The following NFATC1 variants were observed in gnomAD, a reference collection of about 807,000 sequenced individuals.
NFATC1 encodes the protein nuclear factor of activated T cells 1, also known as nuclear factor of activated T-cells, cytoplasmic 1.
NFATC1 carries 22 observed loss-of-function variants against 76.0 expected under a neutral mutation model. The ratio of observed to expected loss-of-function variants is 0.29; its 90% CI spans 0.21 to 0.41. NFATC1 has a LOEUF of 0.41. Among genes scored for constraint, NFATC1 ranks in the 10% least tolerant of loss-of-function variants. The probability of loss-of-function intolerance (pLI) is 1.00; values close to 1 mark genes in which losing one functional copy is unlikely to be tolerated. For missense variants in NFATC1, 1,357 were observed against 1,337.7 expected, an observed-to-expected ratio of 1.01 and a Z score of -0.23; for synonymous variants, 704 against 613.1, an observed-to-expected ratio of 1.15 and a Z score of -2.19.
At chr18:79,400,054 AC>A (rs2085135083) in intron 1 of NFATC1, among the ~76,000 whole-genome samples, 1 of 133,000 alleles carries the variant, frequency 7.5e-6, no homozygotes, top group African/African-American at 2.8e-5. Flanking sequence ...CGACGCCCCT[AC>A]CCCCGGGTCC....
chr18:79,495,626 C>T (rs1259550029), intron 9 of NFATC1, among the ~76,000 whole-genome samples: 1 of 152,188 alleles, frequency 6.6e-6, no homozygotes, highest in Admixed American at 6.5e-5. Flanking sequence ...TATTTTGTGC[C>T]GAAGAAAATT....
chr18:79,430,674 C>A (rs148243807), intron 2 of NFATC1, among the ~76,000 whole-genome samples: 3,481 of 152,236 alleles, frequency 0.023, 133 homozygotes, highest in African/African-American at 0.077. Context: ...TGAGCCACCA[C>A]GCCCGGCCAT....
chr18:79,437,632 C>A (rs1053193931), intron 3 of NFATC1, among the ~76,000 whole-genome samples: 1 of 152,238 alleles, frequency 6.6e-6, no homozygotes, highest in African/African-American at 2.4e-5. Context: ...CCCCAAATCC[C>A]AGCTCACACT....
intron 2 of NFATC1, among the ~76,000 whole-genome samples, chr18:79,423,172 T>A (rs2086159770): frequency 6.6e-6 from 1 of 152,076 alleles, no homozygotes; most frequent in African/African-American, 2.4e-5. Flanking sequence ...CTGGTCGTAC[T>A]CCAATCCCGT....
chr18:79,480,652 G>C (rs1036182926), intron 8 of NFATC1, among the ~76,000 whole-genome samples: 1 of 152,152 alleles, frequency 6.6e-6, no homozygotes, highest in African/African-American at 2.4e-5. Context: ...TGTTCTTGAC[G>C]TTCTCCAGCC....
At chr18:79,424,610 T>A in intron 2 of NFATC1, among the ~76,000 whole-genome samples, 1 of 151,284 alleles carries the variant, frequency 6.6e-6, no homozygotes, top group African/African-American at 2.4e-5. Context: ...TGTCTCTCCG[T>A]CTGTCTCTCT....
chr18:79,450,595 C>T (rs1029441386), intron 4 of NFATC1, among the ~76,000 whole-genome samples: 13 of 152,270 alleles, frequency 8.5e-5, no homozygotes, highest in South Asian at 2.1e-4. Context: ...ACGTGGCCAG[C>T]GTGGGCCCTG....
chr18:79,436,545 G>A (rs1340664354), intron 3 of NFATC1, among the ~76,000 whole-genome samples: 3 of 152,266 alleles, frequency 2.0e-5, no homozygotes, highest in Non-Finnish European at 4.4e-5. Context: ...CGGCGTCCGC[G>A]TCCTCCCACG....
intron 3 of NFATC1, among the ~76,000 whole-genome samples, chr18:79,443,512 G>A (rs752014140): frequency 3.3e-5 from 5 of 152,190 alleles, no homozygotes; most frequent in Admixed American, 6.5e-5. Context: ...CGTCCCTCGG[G>A]GGGTGGGGAG....
Position 79,409,028 on chromosome 18 carries a change from CCATCCATCAT to C in NFATC1, c.128-1366_128-1357del, listed in dbSNP as rs1340367367. Among the ~76,000 whole-genome samples the C allele has an allele frequency of 5.4e-5, 4 of 74,696 alleles. 1 individual carries two copies. The highest frequency in any genetic ancestry group is 1.3e-4 in the Non-Finnish European group (4 of 30,330). 49.0% of individuals were successfully genotyped at this position (74,696 alleles called of 152,430 possible). On this transcript the variant is annotated intron_variant, in intron 1 of 9. Coordinates refer to ENST00000427363, the MANE Select transcript of NFATC1 (RefSeq NM_001278669.2). Reference sequence around the variant, plus strand: ...CCCTATCCATCCGTCCATCCATCATCCATCCATCATCATCCATCCATTATTCCTCCATTCC... The same window carrying C: ...CCCTATCCATCCGTCCATCCATCATCCATCCATCCATTATTCCTCCATTCC...
At position 79,410,005 on chromosome 18, in the gene NFATC1, G is replaced by C. The variant is rs1050878174; in HGVS notation, c.128-398G>C. On this transcript the variant is annotated intron_variant, in intron 1 of 9. Transcript: ENST00000427363. The surrounding 1 kb of genome is among the most constrained non-coding windows in gnomAD (Gnocchi z 6.7). ...GAGGAAGGTGGTTTTTGAATGAAGAGCGGAACCCGTGAGGACCCAGTCGCC... is the reference window on the plus strand; with the variant it reads ...GAGGAAGGTGGTTTTTGAATGAAGACCGGAACCCGTGAGGACCCAGTCGCC... 6 of 558,940 alleles carry C rather than the reference G, an allele frequency of 1.1e-5. No individual in the cohort carries two copies. The highest frequency in any genetic ancestry group is 1.9e-5 in the African/African-American group (1 of 53,746). The allele number at this position is 558,940 out of a possible 1,614,324, so 34.6% of individuals were successfully genotyped here.
intron 2 of NFATC1, among the ~76,000 whole-genome samples, chr18:79,425,933 C>T (rs896713619): frequency 6.6e-6 from 1 of 152,222 alleles, no homozygotes; most frequent in African/African-American, 2.4e-5. Context: ...GAGTCCTGCA[C>T]CAGCGTGGCA....
At chr18:79,398,247 G>A (rs1030746955) in intron 1 of NFATC1, among the ~76,000 whole-genome samples, 1 of 152,228 alleles carries the variant, frequency 6.6e-6, no homozygotes, top group South Asian at 2.1e-4. Flanking sequence ...GTCAGAAGTC[G>A]CTCCAGACAC....
intron 8 of NFATC1, among the ~76,000 whole-genome samples, chr18:79,471,687 G>A (rs1205504262): frequency 6.6e-6 from 1 of 152,186 alleles, no homozygotes; most frequent in African/African-American, 2.4e-5. Context: ...GGGGACACGC[G>A]GTCCAGCTGA....
chr18:79,511,383 G>A (rs1034824595), intron 9 of NFATC1, among the ~76,000 whole-genome samples: 19 of 152,154 alleles, frequency 1.2e-4, no homozygotes, highest in Non-Finnish European at 2.6e-4. Context: ...CGTTGTCTCC[G>A]TACCTCCGTG....
intron 6 of NFATC1, among the ~76,000 whole-genome samples, chr18:79,453,857 C>T (rs925265077): frequency 6.6e-6 from 1 of 152,242 alleles, no homozygotes; most frequent in Non-Finnish European, 1.5e-5. Flanking sequence ...AAGTGGAGAA[C>T]AAATGTCCAC....
intron 1 of NFATC1, among the ~76,000 whole-genome samples, chr18:79,399,522 C>CG (rs1360590522): frequency 2.0e-5 from 3 of 152,248 alleles, no homozygotes; most frequent in Non-Finnish European, 4.4e-5. Context: ...GAACACGCGG[C>CG]GGGAGAGGCA....
intron 2 of NFATC1, among the ~76,000 whole-genome samples, chr18:79,420,118 A>G (rs191200129): frequency 2.0e-4 from 31 of 152,256 alleles, no homozygotes; most frequent in African/African-American, 7.5e-4. Context: ...GCTGCGTTCC[A>G]TCAGCACTGG....
chr18:79,444,808 C>G (rs578121904), intron 3 of NFATC1, among the ~76,000 whole-genome samples: 29 of 151,918 alleles, frequency 1.9e-4, no homozygotes, highest in African/African-American at 7.0e-4. Context: ...CACATGCCTG[C>G]ACACGCACAC....
Sources: gnomAD v4.1 joint callset for allele counts (sites outside exome capture counted in the v4.1 genomes callset) on GRCh38, gnomAD v4.1.1 for gene constraint, Gnocchi (gnomAD v3.1) non-coding constraint, MANE v1.5 for transcripts, NCBI Gene and HGNC (gene_info 2026-07-23, HGNC 2026-07-21) for gene names.